The following NHSL3 variants were observed in gnomAD, a reference collection of about 807,000 sequenced individuals.
NHSL3 encodes NHS-like protein 3.
chr1:32,772,062 G>A, the NHSL3 span: 1 of 1,610,840 alleles, frequency 6.2e-7, no homozygotes, highest in Non-Finnish European at 8.5e-7. Flanking sequence ...CAGAGCCACG[G>A]CCTCCCCAGT....
chr1:32,770,150 C>T, the NHSL3 span: 1 of 1,590,852 alleles, frequency 6.3e-7, no homozygotes, highest in Non-Finnish European at 8.6e-7. The surrounding 1 kb of genome is among the most constrained non-coding windows in gnomAD (Gnocchi z 8.3). Context: ...ATGTCCCTAG[C>T]AGTGCCTGGA....
the NHSL3 span, chr1:32,771,613 G>A: frequency 1.2e-6 from 2 of 1,613,150 alleles, no homozygotes; most frequent in African/African-American, 1.3e-5. Flanking sequence ...CCCAGAGCTT[G>A]TCAGCTCCCC....
the NHSL3 span, chr1:32,773,055 G>C: frequency 1.5e-6 from 1 of 662,816 alleles, no homozygotes; most frequent in South Asian, 1.7e-5. Flanking sequence ...TGTTGCTCCT[G>C]TCCTCAGAGT....
At chr1:32,754,021 G>C in the NHSL3 span, 1 of 531,924 alleles carries the variant, frequency 1.9e-6, no homozygotes, top group Non-Finnish European at 3.4e-6. Context: ...CTCCCTCCCG[G>C]GGCTGCGGGC....
the NHSL3 span, among the ~76,000 whole-genome samples, chr1:32,746,192 C>T: frequency 2.0e-5 from 3 of 148,278 alleles, no homozygotes; most frequent in African/African-American, 7.5e-5. Flanking sequence ...GATCGCGTCA[C>T]TGCACTCTAG....
chr1:32,742,205 C>A, the NHSL3 span: 1 of 1,245,874 alleles, frequency 8.0e-7, no homozygotes, highest in South Asian at 3.4e-5. Context: ...GCGGTCGGCA[C>A]CTGGGCTGAG....
At chr1:32,745,352 G>GT in the NHSL3 span, among the ~76,000 whole-genome samples, 1 of 151,518 alleles carries the variant, frequency 6.6e-6, no homozygotes, top group African/African-American at 2.4e-5. Context: ...GAGGTCGCGA[G>GT]TTTAAGACCA....
chr1:32,744,505 T>C, the NHSL3 span, among the ~76,000 whole-genome samples: 1 of 152,148 alleles, frequency 6.6e-6, no homozygotes, highest in Non-Finnish European at 1.5e-5. Flanking sequence ...ATCGGGACTG[T>C]TTTCATGACT....
chr1:32,771,733 G>A, the NHSL3 span: 1 of 1,613,736 alleles, frequency 6.2e-7, no homozygotes, highest in Admixed American at 1.7e-5. Flanking sequence ...CCCAGGGCAT[G>A]TGGCCAAGCT....
the NHSL3 span, among the ~76,000 whole-genome samples, chr1:32,762,945 GATTAC>G: frequency 6.6e-6 from 1 of 151,102 alleles, no homozygotes; most frequent in Non-Finnish European, 1.5e-5. Flanking sequence ...AAAGTGCTAG[GATTAC>G]AGGTGTGAGC....
At chr1:32,770,284 C>G in the NHSL3 span, 3 of 1,608,954 alleles carry the variant, frequency 1.9e-6, no homozygotes, top group East Asian at 2.2e-5. This position sits in a 1 kb window ranked among gnomAD's most constrained non-coding sequence, Gnocchi z 8.3. Flanking sequence ...CGTGGTGGCC[C>G]TAGGCCGCTG....
the NHSL3 span, chr1:32,772,868 C>T: frequency 6.2e-7 from 1 of 1,614,078 alleles, no homozygotes; most frequent in Non-Finnish European, 8.5e-7. Flanking sequence ...CCCCCAGACT[C>T]ACAGAAAGAG....
the NHSL3 span, among the ~76,000 whole-genome samples, chr1:32,760,835 C>T: frequency 7.9e-5 from 12 of 152,264 alleles, no homozygotes; most frequent in Non-Finnish European, 1.6e-4. Context: ...GCGATCCACC[C>T]GCCTTGGCCT....
At chr1:32,765,880 C>G in the NHSL3 span, 2 of 1,478,394 alleles carry the variant, frequency 1.4e-6, no homozygotes, top group Non-Finnish European at 1.8e-6. Flanking sequence ...CCTCCCTTTC[C>G]CAGACCCTTA....
the NHSL3 span, among the ~76,000 whole-genome samples, chr1:32,757,620 C>T: frequency 6.6e-6 from 1 of 152,098 alleles, no homozygotes; most frequent in African/African-American, 2.4e-5. Flanking sequence ...AAAAATAAGT[C>T]CCTATGCTGT....
the NHSL3 span, chr1:32,771,403 C>G: frequency 1.9e-6 from 3 of 1,586,330 alleles, no homozygotes; most frequent in African/African-American, 4.1e-5. Context: ...TCCACCCCCA[C>G]CACCCACTAA....
At chr1:32,753,439 C>T in the NHSL3 span, among the ~76,000 whole-genome samples, 588 of 151,878 alleles carry the variant, frequency 3.9e-3, 5 homozygotes, top group African/African-American at 0.013. Context: ...GAGCCGAGAG[C>T]GTGCCCCTGC....
At chr1:32,769,752 G>T in the NHSL3 span, 1 of 1,614,042 alleles carries the variant, frequency 6.2e-7, no homozygotes, top group Non-Finnish European at 8.5e-7. Context: ...GGAGCACTGT[G>T]CTGGGACTCC....
chr1:32,760,633 C>T, the NHSL3 span, among the ~76,000 whole-genome samples: 3 of 151,278 alleles, frequency 2.0e-5, 1 homozygote, highest in African/African-American at 7.3e-5. Context: ...CTCTGTCACC[C>T]AGGCTGGAGT....
Sources: allele counts gnomAD v4.1 joint callset (sites outside exome capture counted in the v4.1 genomes callset), GRCh38; gene constraint gnomAD v4.1.1; non-coding constraint Gnocchi (gnomAD v3.1); transcripts MANE v1.5; gene names NCBI Gene and HGNC (gene_info 2026-07-23, HGNC 2026-07-21).